The following PTPRK variants were observed in gnomAD, a reference collection of about 807,000 sequenced individuals.
The protein encoded by PTPRK is receptor-type tyrosine-protein phosphatase kappa.
PTPRK carries 75 observed loss-of-function variants against 178.0 expected under a neutral mutation model. The observed-to-expected ratio is 0.42, with a 90% CI of 0.35 to 0.51. PTPRK has a LOEUF of 0.51. PTPRK is among the 20% of genes least tolerant of loss of function. PTPRK has a pLI of 0.02. For missense variants in PTPRK, 1,441 were observed against 1,797.8 expected, an observed-to-expected ratio of 0.80 and a Z score of 3.59; for synonymous variants, 637 against 620.6, an observed-to-expected ratio of 1.03 and a Z score of -0.39.
Position 128,403,578 on chromosome 6 carries a change from G to GTT in PTPRK, c.101-5892_101-5891dup, listed in dbSNP as rs149729003. Among the ~76,000 whole-genome samples the GTT allele has an allele frequency of 7.2e-4, 107 of 148,008 alleles. 1 individual carries two copies. Among genetic ancestry groups the GTT allele is most frequent in the African/African-American group, 2.5e-3 (102 of 40,560 alleles). On this transcript the variant is annotated intron_variant, in intron 1 of 29. Transcript: ENST00000368226. ...TGTCAAGCTCCTAACACCCAACACA[G>GTT]TTTTTTTTTTGGTTAAAAAAGCATC...
intron 7 of PTPRK, among the ~76,000 whole-genome samples, chr6:128,093,617 A>AAAC (rs1404032414): frequency 2.7e-5 from 4 of 148,786 alleles, no homozygotes; most frequent in African/African-American, 9.8e-5. Context: ...AAAAAAAAAA[A>AAAC]AAAAAACGAA....
At position 127,985,829 on chromosome 6, in the gene PTPRK, C is replaced by A. The variant is rs1159613628; in HGVS notation, c.3143G>T (p.Gly1048Val). Residue 1048 changes from glycine (G) to valine (V), a missense_variant, in exon 22 of 30, where the codon GGC becomes GTC. Transcript: ENST00000368226. ...IREVKQFHFT[G>V]WPDHGVPYHA... Reference sequence around the variant, plus strand: ...GTAGGGCACTCCATGGTCAGGCCAGCCCGTGAAATGGAACTGTTTAACTTC... The same window carrying A: ...GTAGGGCACTCCATGGTCAGGCCAGACCGTGAAATGGAACTGTTTAACTTC... 6.2e-7 allele frequency: 1 copy of A among 1,613,646 alleles called. No homozygotes were observed. The highest frequency in any genetic ancestry group is 8.5e-7 in the Non-Finnish European group (1 of 1,179,758).
At chr6:128,011,978 A>G (rs2114728132) in intron 13 of PTPRK, among the ~76,000 whole-genome samples, 1 of 151,304 alleles carries the variant, frequency 6.6e-6, no homozygotes. Flanking sequence ...AAAAAAGCCC[A>G]TTAAGTTATT....
chr6:128,362,240 GGGAGGAA>G (rs997297289), intron 2 of PTPRK, among the ~76,000 whole-genome samples: 13 of 152,112 alleles, frequency 8.5e-5, no homozygotes, highest in Non-Finnish European at 5.9e-5. Context: ...GTGGGAGCAA[GGGAGGAA>G]GGAGGAAAGT....
intron 1 of PTPRK, among the ~76,000 whole-genome samples, chr6:128,447,988 T>G (rs568467535): frequency 5.3e-5 from 8 of 152,252 alleles, no homozygotes; most frequent in African/African-American, 1.7e-4. Context: ...TTGGAAATAT[T>G]GGGGCCAAAT....
intron 2 of PTPRK, among the ~76,000 whole-genome samples, chr6:128,377,907 T>C (rs1006170499): frequency 1.3e-5 from 2 of 152,176 alleles, no homozygotes; most frequent in African/African-American, 2.4e-5. Context: ...TTAGGCTGAA[T>C]TTTAAACACA....
chr6:128,402,069 T>A (rs1841090502), intron 1 of PTPRK, among the ~76,000 whole-genome samples: 2 of 152,186 alleles, frequency 1.3e-5, no homozygotes, highest in South Asian at 4.1e-4. Flanking sequence ...GAAACCATGA[T>A]ATAAATTTGT....
At chr6:128,341,060 T>C (rs1831594785) in intron 2 of PTPRK, among the ~76,000 whole-genome samples, 2 of 152,140 alleles carry the variant, frequency 1.3e-5, no homozygotes, top group African/African-American at 4.8e-5. Flanking sequence ...TTTAAAAACA[T>C]CAATATGATG....
chr6:128,447,378 T>C (rs1252523988), intron 1 of PTPRK, among the ~76,000 whole-genome samples: 1 of 152,230 alleles, frequency 6.6e-6, no homozygotes, highest in Non-Finnish European at 1.5e-5. Context: ...CTGAGCACTT[T>C]ACATAGATCA....
intron 13 of PTPRK, chr6:128,027,767 G>A (rs1774571565): frequency 6.6e-6 from 1 of 152,080 alleles, no homozygotes; most frequent in Admixed American, 6.6e-5. Flanking sequence ...ACTAATTTTT[G>A]TTTTTAGTAG....
chr6:128,344,609 A>C (rs1446766923), intron 2 of PTPRK, among the ~76,000 whole-genome samples: 2 of 151,928 alleles, frequency 1.3e-5, no homozygotes, highest in Non-Finnish European at 2.9e-5. Context: ...CTGACCTCCC[A>C]GGTTCAGGTG....
intron 1 of PTPRK, among the ~76,000 whole-genome samples, chr6:128,505,177 C>T (rs1398726525): frequency 4.0e-5 from 6 of 149,538 alleles, no homozygotes; most frequent in Non-Finnish European, 8.9e-5. Context: ...AATCTCGGCT[C>T]GCTGCAACTT....
chr6:128,420,558 G>A (rs1450681765), intron 1 of PTPRK, among the ~76,000 whole-genome samples: 9 of 152,032 alleles, frequency 5.9e-5, no homozygotes, highest in Non-Finnish European at 1.0e-4. Context: ...GGAGAAGCCC[G>A]GGCATAGAAA....
At chr6:128,426,063 A>T (rs928303987) in intron 1 of PTPRK, among the ~76,000 whole-genome samples, 1 of 151,936 alleles carries the variant, frequency 6.6e-6, no homozygotes, top group South Asian at 2.1e-4. Flanking sequence ...CACCATAGAA[A>T]CCTCTGTGTG....
intron 13 of PTPRK, among the ~76,000 whole-genome samples, chr6:128,040,317 C>A (rs865901490): frequency 2.6e-5 from 4 of 151,958 alleles, no homozygotes; most frequent in African/African-American, 7.2e-5. Context: ...AAATAAGAGT[C>A]AAAACCAAGA....
intron 1 of PTPRK, among the ~76,000 whole-genome samples, chr6:128,507,912 G>A (rs1271843040): frequency 6.6e-6 from 1 of 152,142 alleles, no homozygotes; most frequent in African/African-American, 2.4e-5. Context: ...CAAGTTTTGG[G>A]AAATTCCACT....
intron 3 of PTPRK, among the ~76,000 whole-genome samples, chr6:128,318,151 G>A (rs1208981134): frequency 2.0e-5 from 3 of 152,078 alleles, no homozygotes; most frequent in Non-Finnish European, 4.4e-5. Flanking sequence ...GACAGAGGAG[G>A]GACATCCCCT....
chr6:128,120,497 A>T (rs947365642), intron 7 of PTPRK, among the ~76,000 whole-genome samples: 2 of 152,046 alleles, frequency 1.3e-5, no homozygotes, highest in African/African-American at 4.8e-5. Flanking sequence ...AATTTGTGAC[A>T]AAGGTTAAAT....
intron 7 of PTPRK, among the ~76,000 whole-genome samples, chr6:128,169,327 T>C (rs1035580719): frequency 3.9e-5 from 6 of 151,940 alleles, no homozygotes; most frequent in African/African-American, 1.4e-4. Flanking sequence ...TTTTAACATA[T>C]ACAATAAAAA....
Sources: gnomAD v4.1 joint callset for allele counts (sites outside exome capture counted in the v4.1 genomes callset) on GRCh38, gnomAD v4.1.1 for gene constraint, MANE v1.5 for transcripts, NCBI Gene and HGNC (gene_info 2026-07-23, HGNC 2026-07-21) for gene names.